Variants in MAGI1 observed in about 807,000 individuals in gnomAD.
The protein encoded by MAGI1 is membrane-associated guanylate kinase, WW and PDZ domain-containing protein 1.
A neutral mutation model predicts 139.9 loss-of-function variants in MAGI1; 58 were observed. The observed-to-expected ratio is 0.41, with a 90% confidence interval of 0.34 to 0.52. MAGI1 has a LOEUF of 0.52. MAGI1 is among the 20% of genes least tolerant of loss of function. The pLI is 0.12. For synonymous variants in MAGI1, 812 were observed against 737.9 expected (o/e 1.10, Z -1.63); for missense variants, 1,874 against 1,901.6 (o/e 0.99, Z 0.27).
intron 1 of MAGI1, among the ~76,000 whole-genome samples, chr3:65,929,558 C>T: frequency 6.6e-6 from 1 of 152,080 alleles, no homozygotes; most frequent in Non-Finnish European, 1.5e-5. Flanking sequence ...TGGTCTCGAT[C>T]TCCTGACCTC....
intron 1 of MAGI1, among the ~76,000 whole-genome samples, chr3:66,016,354 A>G (rs1055839865): frequency 4.6e-5 from 7 of 152,338 alleles, no homozygotes; most frequent in Non-Finnish European, 8.8e-5. Flanking sequence ...GCAAGGAAGC[A>G]GCAGGACCAG....
chr3:65,734,937 C>A (rs1446163454), intron 1 of MAGI1, among the ~76,000 whole-genome samples: 2 of 151,598 alleles, frequency 1.3e-5, no homozygotes, highest in Admixed American at 6.6e-5. Context: ...GGAAGGAAGA[C>A]AAATCCTAAA....
intron 3 of MAGI1, among the ~76,000 whole-genome samples, chr3:65,484,690 T>G (rs546197891): frequency 2.6e-4 from 40 of 152,140 alleles, no homozygotes; most frequent in Non-Finnish European, 8.8e-5. Flanking sequence ...GCCCCCAGCA[T>G]GTAAACTGTG....
At chr3:65,762,428 C>T (rs1319107322) in intron 1 of MAGI1, among the ~76,000 whole-genome samples, 1 of 150,546 alleles carries the variant, frequency 6.6e-6, no homozygotes, top group African/African-American at 2.4e-5. Flanking sequence ...AGCAGGTGGA[C>T]AAGTGAAGTA....
Position 65,580,411 on chromosome 3 carries a change from C to G in MAGI1, c.430+41561G>C, listed in dbSNP as rs551074756. 2.0e-4 allele frequency among the ~76,000 whole-genome samples: 31 copies of G among 151,950 alleles called. No individual in the cohort carries two copies. In the South Asian group the frequency reaches 6.0e-3, roughly 30 times the overall value. ...TTCTTCAATTCAAGTGCAATGACAG[C>G]TACAGACATCAGAAGTGAGCAAATC... On this transcript the variant is annotated intron_variant, in intron 2 of 22. Transcript: ENST00000402939.
intron 1 of MAGI1, among the ~76,000 whole-genome samples, chr3:65,816,514 A>C (rs966824195): frequency 2.6e-5 from 4 of 152,146 alleles, no homozygotes; most frequent in Non-Finnish European, 4.4e-5. Context: ...GTCAACTGAG[A>C]TGTTGACCGT....
At chr3:65,727,680 G>C (rs1225463804) in intron 1 of MAGI1, among the ~76,000 whole-genome samples, 38 of 152,138 alleles carry the variant, frequency 2.5e-4, no homozygotes, top group Non-Finnish European at 2.6e-4. Flanking sequence ...TTCACACATT[G>C]CTTGTTTCCC....
chr3:65,406,926 T>TA (rs1945385387), intron 12 of MAGI1, among the ~76,000 whole-genome samples: 1 of 152,152 alleles, frequency 6.6e-6, no homozygotes, highest in Non-Finnish European at 1.5e-5. Context: ...GGGCTGGTCT[T>TA]AGATACCAAA....
At chr3:65,465,530 C>A (rs1366193196) in intron 5 of MAGI1, among the ~76,000 whole-genome samples, 1 of 152,034 alleles carries the variant, frequency 6.6e-6, no homozygotes, top group Non-Finnish European at 1.5e-5. Context: ...GTTAATTCTT[C>A]TTTTCTTTCA....
chr3:65,802,848 C>CTGTGTG (rs55814110), intron 1 of MAGI1, among the ~76,000 whole-genome samples: 25,459 of 137,982 alleles, frequency 0.18, 2,492 homozygotes, highest in East Asian at 0.33. Flanking sequence ...ATCATCTCAT[C>CTGTGTG]TGTGTGTGTG....
In MAGI1 at chr3:65,356,243, A is replaced by G. The variant is rs1479239489; in HGVS notation, c.*135T>C. 2.5e-6 allele frequency: 2 copies of G among 803,636 alleles called. No individual in the cohort carries two copies. Among genetic ancestry groups the G allele is most frequent in the Non-Finnish European group, 3.7e-6 (2 of 539,734 alleles). 49.8% of individuals were successfully genotyped at this position (803,636 alleles called of 1,614,324 possible). A position where few individuals can be genotyped will look rare whatever the true frequency, so the allele number is the denominator to read the frequency against. ...TTTTTTCTTATAAGATTTCAAATGCATAAAATGTTTGTTGTTATTCATAGG... is the reference window on the plus strand; with the variant it reads ...TTTTTTCTTATAAGATTTCAAATGCGTAAAATGTTTGTTGTTATTCATAGG... On this transcript the variant is annotated 3_prime_UTR_variant, in exon 23 of 23. Coordinates refer to ENST00000402939, the MANE Select transcript of MAGI1 (RefSeq NM_001033057.2).
At chr3:65,804,652 A>G (rs915394476) in intron 1 of MAGI1, among the ~76,000 whole-genome samples, 3 of 152,146 alleles carry the variant, frequency 2.0e-5, no homozygotes, top group African/African-American at 4.8e-5. Context: ...CGTAGCCTAC[A>G]CTTGTGCCAA....
intron 2 of MAGI1, among the ~76,000 whole-genome samples, chr3:65,574,841 AG>A (rs2081108600): frequency 6.6e-6 from 1 of 152,100 alleles, no homozygotes; most frequent in African/African-American, 2.4e-5. Flanking sequence ...AAAGATGCAA[AG>A]ACAATTAAGT....
chr3:65,630,890 G>T (rs1018765769), intron 1 of MAGI1, among the ~76,000 whole-genome samples: 1 of 152,192 alleles, frequency 6.6e-6, no homozygotes, highest in South Asian at 2.1e-4. Context: ...AGAAGCAGTC[G>T]CCAGACAATT....
At chr3:65,640,113 G>C (rs1380843535) in intron 1 of MAGI1, among the ~76,000 whole-genome samples, 1 of 152,056 alleles carries the variant, frequency 6.6e-6, no homozygotes, top group Non-Finnish European at 1.5e-5. Flanking sequence ...TTCAAACTGG[G>C]AGTACCATCA....
intron 2 of MAGI1, among the ~76,000 whole-genome samples, chr3:65,519,128 G>A (rs972130661): frequency 6.6e-6 from 1 of 152,232 alleles, no homozygotes; most frequent in Middle Eastern, 3.4e-3. Flanking sequence ...AAGCAGAGTG[G>A]GTGGGGTAAG....
chr3:65,389,542 G>C (rs772118189), intron 14 of MAGI1, among the ~76,000 whole-genome samples: 23 of 152,282 alleles, frequency 1.5e-4, no homozygotes, highest in Non-Finnish European at 2.8e-4. Flanking sequence ...AGCTCAGAGA[G>C]AAATGCGCGG....
intron 1 of MAGI1, among the ~76,000 whole-genome samples, chr3:65,902,996 G>T (rs773456054): frequency 3.3e-5 from 5 of 151,952 alleles, no homozygotes; most frequent in Non-Finnish European, 5.9e-5. Context: ...GTCTTTTTTG[G>T]GGGGAGTGGT....
At chr3:65,802,427 G>C (rs925662792) in intron 1 of MAGI1, among the ~76,000 whole-genome samples, 4 of 152,096 alleles carry the variant, frequency 2.6e-5, no homozygotes, top group Non-Finnish European at 5.9e-5. Flanking sequence ...GCATTCATGA[G>C]TTACTCGTGT....
Sources: gnomAD v4.1 joint callset for allele counts (sites outside exome capture counted in the v4.1 genomes callset) on GRCh38, gnomAD v4.1.1 for gene constraint, MANE v1.5 for transcripts, NCBI Gene and HGNC (gene_info 2026-07-23, HGNC 2026-07-21) for gene names.